KCNT2: variants seen among roughly 807,000 people sequenced by gnomAD.
The protein encoded by KCNT2 is potassium sodium-activated channel subfamily T member 2, also known as potassium channel subfamily T member 2.
In KCNT2, 67 loss-of-function variants were observed where a neutral mutation model predicts 153.8. The ratio of observed to expected loss-of-function variants is 0.44; its 90% CI spans 0.36 to 0.53. The LOEUF (loss-of-function observed/expected upper bound fraction) is 0.53, where lower values mean the gene tolerates loss of function less well. Among genes scored for constraint, KCNT2 ranks in the 20% least tolerant of loss-of-function variants. The pLI is 0.00. For synonymous variants in KCNT2, 500 were observed against 458.8 expected (o/e 1.09, Z -1.15); for missense variants, 975 against 1,354.8 (o/e 0.72, Z 4.40).
chr1:196,244,233 G>C (rs1655219811), intron 26 of KCNT2, among the ~76,000 whole-genome samples: 1 of 152,144 alleles, frequency 6.6e-6, no homozygotes, highest in African/African-American at 2.4e-5. Context: ...GAGACTCAGA[G>C]ATGTGCTGGC....
chr1:196,566,360 G>A (rs921037539), intron 1 of KCNT2, among the ~76,000 whole-genome samples: 1 of 152,044 alleles, frequency 6.6e-6, no homozygotes, highest in Non-Finnish European at 1.5e-5. Flanking sequence ...GTTTTTGAAT[G>A]TTAAGTTGCA....
intron 8 of KCNT2, among the ~76,000 whole-genome samples, chr1:196,447,832 T>C (rs1166639159): frequency 1.3e-5 from 2 of 151,254 alleles, no homozygotes; most frequent in African/African-American, 4.8e-5. Flanking sequence ...AGCTTCTAGA[T>C]GATCTTGAAA....
chr1:196,334,983 A>G (rs1043872480), intron 16 of KCNT2, among the ~76,000 whole-genome samples: 4 of 152,146 alleles, frequency 2.6e-5, no homozygotes, highest in Non-Finnish European at 5.9e-5. Flanking sequence ...AAGGTTATTG[A>G]ATACTTGAGG....
At chr1:196,304,125 T>C (rs1661421382) in intron 22 of KCNT2, among the ~76,000 whole-genome samples, 1 of 152,062 alleles carries the variant, frequency 6.6e-6, no homozygotes, top group South Asian at 2.1e-4. Context: ...CCTGTGGCCA[T>C]AAAAAAGCAG....
At chr1:196,257,314 T>C in intron 26 of KCNT2, 1 of 982,814 alleles carries the variant, frequency 1.0e-6, no homozygotes, top group South Asian at 4.7e-5. Context: ...TAAACTCTAA[T>C]TCAAAGACTA....
At chr1:196,386,304 C>T (rs1669978185) in intron 13 of KCNT2, among the ~76,000 whole-genome samples, 1 of 152,114 alleles carries the variant, frequency 6.6e-6, no homozygotes, top group African/African-American at 2.4e-5. Flanking sequence ...ATTCCTGACC[C>T]ACAGAAACTG....
At chr1:196,346,582 CCT>C (rs1666162801) in intron 14 of KCNT2, among the ~76,000 whole-genome samples, 1 of 147,200 alleles carries the variant, frequency 6.8e-6, no homozygotes, top group Non-Finnish European at 1.5e-5. Context: ...AAGATAATCC[CCT>C]CTCATTATTA....
chr1:196,317,919 T>G (rs1225303323), intron 20 of KCNT2, among the ~76,000 whole-genome samples: 2 of 151,758 alleles, frequency 1.3e-5, no homozygotes, highest in East Asian at 3.9e-4. Context: ...GAATAATATT[T>G]CTGAACCATG....
At chr1:196,354,175 A>G (rs1358337696) in intron 14 of KCNT2, among the ~76,000 whole-genome samples, 1 of 151,814 alleles carries the variant, frequency 6.6e-6, no homozygotes, top group Non-Finnish European at 1.5e-5. Context: ...AAACTAAAGA[A>G]AAGCCTTGGT....
intron 8 of KCNT2, among the ~76,000 whole-genome samples, chr1:196,449,367 T>A (rs1231011271): frequency 2.6e-5 from 4 of 151,786 alleles, no homozygotes; most frequent in Admixed American, 6.6e-5. Context: ...CTATAATAAA[T>A]GTAATTCAAT....
chr1:196,501,592 A>G (rs1680701760), intron 1 of KCNT2, among the ~76,000 whole-genome samples: 1 of 152,152 alleles, frequency 6.6e-6, no homozygotes, highest in African/African-American at 2.4e-5. Context: ...AGACTTCAAA[A>G]GGTGGGCAGG....
At chr1:196,355,275 C>T (rs11806479) in intron 14 of KCNT2, among the ~76,000 whole-genome samples, 29,078 of 150,528 alleles carry the variant, frequency 0.19, 3,625 homozygotes, top group African/African-American at 0.35. Context: ...AATTCTTGAA[C>T]AGCAGAACTG....
At chr1:196,537,899 C>CTTGGAAA (rs1655806181) in intron 1 of KCNT2, among the ~76,000 whole-genome samples, 1 of 152,162 alleles carries the variant, frequency 6.6e-6, no homozygotes, top group Non-Finnish European at 1.5e-5. Flanking sequence ...GGTGTGAACC[C>CTTGGAAA]AGGTCTGCAT....
chr1:196,380,745 C>G (rs751042179), intron 13 of KCNT2, among the ~76,000 whole-genome samples: 1 of 152,088 alleles, frequency 6.6e-6, no homozygotes, highest in African/African-American at 2.4e-5. Context: ...TTCCCATATC[C>G]TTTGCTTATT....
intron 1 of KCNT2, among the ~76,000 whole-genome samples, chr1:196,508,548 A>G (rs533860158): frequency 2.6e-5 from 4 of 152,330 alleles, no homozygotes; most frequent in African/African-American, 9.6e-5. Context: ...AGATATTTGA[A>G]TAAAATATCT....
rs1653602426 is a variant in KCNT2, at chr1:196,227,744, G to A, written c.*480C>T. 6.6e-6 allele frequency: 1 copy of A among 152,550 alleles called. No individual in the cohort carries two copies. The highest frequency in any genetic ancestry group is 1.5e-5 in the Non-Finnish European group (1 of 67,990). The allele number at this position is 152,550 out of a possible 1,614,324, so 9.4% of individuals were successfully genotyped here. Reference sequence around the variant, plus strand: ...ACACAAAAGTCAGCCACACAAGTTTGTTGGTTAATCTCTATGTGAGAAGAC... The same window carrying A: ...ACACAAAAGTCAGCCACACAAGTTTATTGGTTAATCTCTATGTGAGAAGAC... On this transcript the variant is annotated 3_prime_UTR_variant, in exon 28 of 28. Coordinates refer to ENST00000294725, the MANE Select transcript of KCNT2 (RefSeq NM_198503.5).
intron 19 of KCNT2, among the ~76,000 whole-genome samples, chr1:196,320,713 GA>G (rs769007349): frequency 0.025 from 3,372 of 134,144 alleles, 95 homozygotes; most frequent in African/African-American, 0.08. Context: ...AACATTTAAA[GA>G]AAAAAAAAAA....
At chr1:196,578,219 GCAGTCTTACCACACTCCATAGTTAGGA>G (rs1661600872) in intron 1 of KCNT2, among the ~76,000 whole-genome samples, 2 of 20,634 alleles carry the variant, frequency 9.7e-5, no homozygotes, top group Non-Finnish European at 6.3e-4. Context: ...TCCCAAACCT[GCAGTCTTACCACACTCCATAGTTAGGA>G]AAAAAAACAA....
intron 1 of KCNT2, among the ~76,000 whole-genome samples, chr1:196,571,104 T>C (rs150999600): frequency 7.0e-4 from 106 of 152,214 alleles, no homozygotes; most frequent in African/African-American, 2.5e-3. Context: ...TTCAACACAT[T>C]AAATAGTATC....
Sources: allele counts gnomAD v4.1 joint callset (sites outside exome capture counted in the v4.1 genomes callset), GRCh38; gene constraint gnomAD v4.1.1; transcripts MANE v1.5; gene names NCBI Gene and HGNC (gene_info 2026-07-23, HGNC 2026-07-21).